The following BBS9 variants were observed in gnomAD, a reference collection of about 807,000 sequenced individuals.
BBS9 encodes the protein Bardet-Biedl syndrome 9, also known as protein PTHB1.
Under a neutral mutation model 117.7 loss-of-function variants are expected in BBS9, and 89 were observed. That is an observed-to-expected ratio of 0.76 (90% CI 0.64 to 0.90). The LOEUF (loss-of-function observed/expected upper bound fraction) is 0.90, where lower values mean the gene tolerates loss of function less well. BBS9 is among the 40% of genes least tolerant of loss of function. BBS9 has a pLI of 0.00. For missense variants in BBS9, 982 were observed against 1,042.2 expected, an observed-to-expected ratio of 0.94 and a Z score of 0.80; for synonymous variants, 379 against 370.9, an observed-to-expected ratio of 1.02 and a Z score of -0.25.
chr7:33,488,870 T>C (rs925775464), intron 19 of BBS9, among the ~76,000 whole-genome samples: 1 of 152,036 alleles, frequency 6.6e-6, no homozygotes, highest in Non-Finnish European at 1.5e-5. Context: ...CCAAGAAAAG[T>C]AGTTTTCATA....
chr7:33,632,276 G>A (rs1190330403), intron 21 of BBS9, among the ~76,000 whole-genome samples: 1 of 152,186 alleles, frequency 6.6e-6, no homozygotes, highest in Non-Finnish European at 1.5e-5. Flanking sequence ...AGCAGCAGCA[G>A]CGCCCCCTGA....
At chr7:33,520,701 T>C (rs1264220201) in intron 20 of BBS9, among the ~76,000 whole-genome samples, 2 of 152,158 alleles carry the variant, frequency 1.3e-5, no homozygotes, top group Non-Finnish European at 2.9e-5. Context: ...AGTCATAGTG[T>C]GAGATGGTGA....
intron 5 of BBS9, among the ~76,000 whole-genome samples, chr7:33,215,656 C>G (rs1332396800): frequency 1.3e-5 from 2 of 152,084 alleles, no homozygotes; most frequent in Non-Finnish European, 2.9e-5. Flanking sequence ...CACACACACA[C>G]AGGAATATTA....
chr7:33,603,773 A>G (rs1864167812), intron 21 of BBS9, among the ~76,000 whole-genome samples: 1 of 152,146 alleles, frequency 6.6e-6, no homozygotes, highest in South Asian at 2.1e-4. Context: ...CTCTGAGGAT[A>G]GCTCTAATTC....
In BBS9 at chr7:33,461,088, A is replaced by G. The variant is rs140751491; in HGVS notation, c.2116-44375A>G. On this transcript the variant is annotated intron_variant, in intron 19 of 22. Coordinates refer to ENST00000242067, the MANE Select transcript of BBS9 (RefSeq NM_198428.3). ...ACTTTATTCCTTTTTATGGCTGTAT[A>G]ATAGTCCATTATGTGGCTGTACCAT... 4.3e-4 allele frequency among the ~76,000 whole-genome samples: 65 copies of G among 152,136 alleles called. 1 individual carries two copies. In the East Asian group the frequency reaches 0.011, roughly 27 times the overall value.
intron 9 of BBS9, among the ~76,000 whole-genome samples, chr7:33,333,660 G>A (rs1232487960): frequency 6.6e-6 from 1 of 151,734 alleles, no homozygotes; most frequent in Non-Finnish European, 1.5e-5. Flanking sequence ...GTGTTGCCCA[G>A]GCTGGAGTGC....
At chr7:33,192,159 T>G (rs1241565554) in intron 5 of BBS9, among the ~76,000 whole-genome samples, 1 of 152,200 alleles carries the variant, frequency 6.6e-6, no homozygotes, top group Non-Finnish European at 1.5e-5. Flanking sequence ...AGTCTGGTGC[T>G]GTATAATGGA....
At chr7:33,436,888 A>G (rs1835381703) in intron 19 of BBS9, among the ~76,000 whole-genome samples, 1 of 152,260 alleles carries the variant, frequency 6.6e-6, no homozygotes, top group Non-Finnish European at 1.5e-5. Context: ...TACTGTATAA[A>G]ACACATAAGT....
chr7:33,280,088 TC>T (rs1433128361), intron 9 of BBS9, among the ~76,000 whole-genome samples: 2 of 152,264 alleles, frequency 1.3e-5, no homozygotes, highest in Non-Finnish European at 2.9e-5. Context: ...ATGTTTTTCT[TC>T]CTAGGCTAGG....
intron 5 of BBS9, among the ~76,000 whole-genome samples, chr7:33,244,955 A>C (rs1416879505): frequency 6.6e-6 from 1 of 152,172 alleles, no homozygotes; most frequent in Admixed American, 6.5e-5. Flanking sequence ...GGAGTATCCT[A>C]ATTAGTGCCC....
intron 5 of BBS9, 180 bp downstream of exon 5, chr7:33,177,771 A>AT (rs1438869977): frequency 1.7e-6 from 1 of 605,280 alleles, no homozygotes; most frequent in Admixed American, 2.4e-5. Context: ...AATGTGCCTG[A>AT]TATCGTCTGA....
At chr7:33,525,835 T>A (rs1192473688) in intron 20 of BBS9, among the ~76,000 whole-genome samples, 1 of 148,546 alleles carries the variant, frequency 6.7e-6, no homozygotes, top group African/African-American at 2.5e-5. Context: ...TGCAGTTTCT[T>A]CCTAGTCTCG....
At chr7:33,546,700 A>G (rs1853431109) in intron 21 of BBS9, among the ~76,000 whole-genome samples, 1 of 152,190 alleles carries the variant, frequency 6.6e-6, no homozygotes. Context: ...CTTGGCCTGG[A>G]GAGGCAGTCT....
chr7:33,186,826 T>C lies in BBS9; in HGVS notation c.442+9235T>C, dbSNP rs1468180892. Among the ~76,000 whole-genome samples, 10 of 152,174 alleles carry C rather than the reference T, an allele frequency of 6.6e-5. No homozygotes were observed. The East Asian group carries it at 1.9e-3, about 29-fold the overall frequency. ...CTAAAAAAATATTAGTTTATCTTTG[T>C]TTTTTATGCTCTTGACAAATTAATG... On this transcript the variant is annotated intron_variant, in intron 5 of 22. Coordinates refer to ENST00000242067, the MANE Select transcript of BBS9 (RefSeq NM_198428.3).
chr7:33,468,128 G>A (rs149056814), intron 19 of BBS9, among the ~76,000 whole-genome samples: 223 of 152,216 alleles, frequency 1.5e-3, no homozygotes, highest in African/African-American at 5.0e-3. Context: ...AATAGTAGGA[G>A]GAAGAAGATG....
rs529532584 is a variant in BBS9 at position 33,179,336 on chromosome 7, T to C, written c.442+1745T>C. ...TACAGATGTGTAGTGGTCCATGACC[T>C]GTTAGGAACCGGGTTTCACAGCAGG... On this transcript the variant is annotated intron_variant, in intron 5 of 22. Transcript: ENST00000242067. 5.3e-5 allele frequency among the ~76,000 whole-genome samples: 8 copies of C among 152,330 alleles called. 1 individual carries two copies. The South Asian group carries it at 1.7e-3, about 32-fold the overall frequency.
At chr7:33,357,457 T>C (rs774088082) in intron 15 of BBS9, among the ~76,000 whole-genome samples, 1 of 151,746 alleles carries the variant, frequency 6.6e-6, no homozygotes, top group Non-Finnish European at 1.5e-5. Context: ...CTTAAAGATA[T>C]GATAGAAACT....
chr7:33,265,815 C>A (rs1472064907), intron 7 of BBS9, among the ~76,000 whole-genome samples: 2 of 151,910 alleles, frequency 1.3e-5, no homozygotes, highest in Non-Finnish European at 2.9e-5. Flanking sequence ...TGTACTCTAG[C>A]CTGGGTGACA....
chr7:33,361,978 A>G (rs995249994), intron 16 of BBS9, among the ~76,000 whole-genome samples: 9 of 152,190 alleles, frequency 5.9e-5, no homozygotes, highest in Non-Finnish European at 1.0e-4. Flanking sequence ...CTGTGCAACC[A>G]TCTCAACGGT....
Sources: allele counts gnomAD v4.1 joint callset (sites outside exome capture counted in the v4.1 genomes callset), GRCh38; gene constraint gnomAD v4.1.1; transcripts MANE v1.5; gene names NCBI Gene and HGNC (gene_info 2026-07-23, HGNC 2026-07-21).